TRPC4: variants seen among roughly 807,000 people sequenced by gnomAD.
TRPC4 encodes the protein transient receptor potential cation channel subfamily C member 4.
TRPC4 carries 49 observed loss-of-function variants against 99.4 expected under a neutral mutation model. The ratio of observed to expected loss-of-function variants is 0.49; its 90% CI spans 0.39 to 0.63. The LOEUF (loss-of-function observed/expected upper bound fraction) is 0.63. Among genes scored for constraint, TRPC4 ranks in the 20% least tolerant of loss-of-function variants. The probability of loss-of-function intolerance (pLI) is 0.00; values close to 1 mark genes in which losing one functional copy is unlikely to be tolerated. For synonymous variants in TRPC4, 454 were observed against 425.9 expected (o/e 1.07, Z -0.81); for missense variants, 898 against 1,152.9 (o/e 0.78, Z 3.20).
intron 3 of TRPC4, among the ~76,000 whole-genome samples, chr13:37,711,798 T>C (rs1954494739): frequency 6.6e-6 from 1 of 152,058 alleles, no homozygotes; most frequent in Non-Finnish European, 1.5e-5. Context: ...GAGCCATATT[T>C]GCAATTTAAA....
intron 2 of TRPC4, among the ~76,000 whole-genome samples, chr13:37,760,587 A>G (rs1384361964): frequency 6.6e-6 from 1 of 151,944 alleles, no homozygotes; most frequent in Admixed American, 6.6e-5. Flanking sequence ...TTATTACAAG[A>G]TACATCTAAC....
chr13:37,729,262 T>C (rs918438385), intron 3 of TRPC4, among the ~76,000 whole-genome samples: 7 of 152,092 alleles, frequency 4.6e-5, no homozygotes, highest in African/African-American at 1.7e-4. Context: ...GAAATGCATA[T>C]CAAAACTACA....
intron 2 of TRPC4, 39 bp downstream of exon 2, chr13:37,782,917 G>A (rs1261042383): frequency 3.6e-6 from 5 of 1,398,126 alleles, no homozygotes; most frequent in Non-Finnish European, 3.7e-6. Flanking sequence ...AAAACCTTCT[G>A]CAGGTAAAAT....
At chr13:37,648,778 C>T (rs1330013711) in intron 8 of TRPC4, among the ~76,000 whole-genome samples, 1 of 152,152 alleles carries the variant, frequency 6.6e-6, no homozygotes, top group East Asian at 1.9e-4. Context: ...ATGATGGCAA[C>T]ATAATCCTAC....
chr13:37,827,459 G>T (rs2139573557), intron 1 of TRPC4, among the ~76,000 whole-genome samples: 1 of 152,268 alleles, frequency 6.6e-6, no homozygotes, highest in South Asian at 2.1e-4. Context: ...TGGTGTGGGT[G>T]TCCTTTCTGT....
chr13:37,836,662 A>T (rs1273466100), intron 1 of TRPC4, among the ~76,000 whole-genome samples: 1 of 152,212 alleles, frequency 6.6e-6, no homozygotes, highest in Non-Finnish European at 1.5e-5. Flanking sequence ...GGGTGCTGTT[A>T]AAGGCATTCA....
chr13:37,838,793 C>T (rs187500808), intron 1 of TRPC4, among the ~76,000 whole-genome samples: 99 of 152,194 alleles, frequency 6.5e-4, no homozygotes, highest in African/African-American at 2.2e-3. Flanking sequence ...ATATATACAC[C>T]TAAAACCATA....
intron 3 of TRPC4, among the ~76,000 whole-genome samples, chr13:37,704,225 A>G (rs1042226852): frequency 1.3e-5 from 2 of 152,210 alleles, no homozygotes; most frequent in African/African-American, 4.8e-5. Context: ...GGGTGCAAGG[A>G]AGAATTATAA....
intron 1 of TRPC4, among the ~76,000 whole-genome samples, chr13:37,834,881 T>C (rs1749183500): frequency 6.6e-6 from 1 of 152,070 alleles, no homozygotes; most frequent in South Asian, 2.1e-4. Context: ...GGTACAGGCA[T>C]GTGCCACCAT....
intron 1 of TRPC4, among the ~76,000 whole-genome samples, chr13:37,866,038 A>G (rs982500427): frequency 2.6e-5 from 4 of 151,758 alleles, no homozygotes; most frequent in African/African-American, 9.7e-5. Flanking sequence ...TGAACTCTTG[A>G]TAGTATTTGC....
chr13:37,857,073 A>G, intron 1 of TRPC4, among the ~76,000 whole-genome samples: 1 of 151,544 alleles, frequency 6.6e-6, no homozygotes, highest in Non-Finnish European at 1.5e-5. Flanking sequence ...AACAAATTCA[A>G]TAAACTTGCA....
chr13:37,745,896 A>C (rs1237590455), intron 3 of TRPC4, 41 bp downstream of exon 3: 2 of 1,567,976 alleles, frequency 1.3e-6, no homozygotes, highest in African/African-American at 2.7e-5. Context: ...CTGTGATTAA[A>C]CTCTATGGCA....
intron 5 of TRPC4, among the ~76,000 whole-genome samples, chr13:37,671,218 A>G (rs1387472596): frequency 6.6e-6 from 1 of 152,200 alleles, no homozygotes; most frequent in Non-Finnish European, 1.5e-5. Context: ...CATGCAAATT[A>G]CCTACCTGCT....
intron 3 of TRPC4, among the ~76,000 whole-genome samples, chr13:37,738,969 T>C (rs1400224394): frequency 6.6e-6 from 1 of 152,174 alleles, no homozygotes; most frequent in Non-Finnish European, 1.5e-5. Flanking sequence ...AAGTTTTTCC[T>C]AGATCTGCCT....
chr13:37,786,323 C>G lies in TRPC4; in HGVS notation c.-27-2963G>C, dbSNP rs532297238. Among the ~76,000 whole-genome samples, 1,235 of 129,242 alleles carry G rather than the reference C, an allele frequency of 9.6e-3. 6 individuals carry two copies. The highest frequency in any genetic ancestry group is 0.027 in the Middle Eastern group (7 of 264). The allele number at this position is 129,242 out of a possible 152,430, so 84.8% of individuals were successfully genotyped here. Reference sequence around the variant, plus strand: ...ACACACACACACACACACACACACACACACACACACGTAGAGAAGAAAGAG... The same window carrying G: ...ACACACACACACACACACACACACAGACACACACACGTAGAGAAGAAAGAG... On this transcript the variant is annotated intron_variant, in intron 1 of 10. Transcript: ENST00000379705.
At chr13:37,663,325 A>G (rs1952517109) in intron 6 of TRPC4, 91 bp downstream of exon 6, 1 of 1,269,566 alleles carries the variant, frequency 7.9e-7, no homozygotes, top group Non-Finnish European at 1.1e-6. Context: ...CATTTTCTTT[A>G]CAACCATTTG....
intron 1 of TRPC4, among the ~76,000 whole-genome samples, chr13:37,830,551 A>G (rs904708721): frequency 2.0e-5 from 3 of 151,516 alleles, no homozygotes; most frequent in Admixed American, 2.0e-4. Context: ...CGTCTCTACT[A>G]AAAATACAAA....
intron 1 of TRPC4, among the ~76,000 whole-genome samples, chr13:37,793,136 T>G (rs1442627364): frequency 6.6e-6 from 1 of 152,176 alleles, no homozygotes; most frequent in Non-Finnish European, 1.5e-5. Flanking sequence ...ACCATGAGAA[T>G]GTTTTCTAAA....
rs990840048 is a variant in TRPC4 at position 37,634,575 on chromosome 13, A to C, written c.*2328T>G. Among the ~76,000 whole-genome samples, 2 of 152,052 alleles carry C rather than the reference A, an allele frequency of 1.3e-5. No individual in the cohort carries two copies. Among genetic ancestry groups the C allele is most frequent in the African/African-American group, 4.8e-5 (2 of 41,416 alleles). The stretch of plus-strand genomic sequence containing the variant: ...ATATAAATAAGCTACTGGGGGAAAA[A>C]AGGTTTTGTTGCTTGTACTGTTATT... On this transcript the variant is annotated 3_prime_UTR_variant, in exon 11 of 11. Transcript: ENST00000379705.
Sources: gnomAD v4.1 joint callset for allele counts (sites outside exome capture counted in the v4.1 genomes callset) on GRCh38, gnomAD v4.1.1 for gene constraint, MANE v1.5 for transcripts, NCBI Gene and HGNC (gene_info 2026-07-23, HGNC 2026-07-21) for gene names.